MCC: variants seen among roughly 807,000 people sequenced by gnomAD.
MCC encodes the protein colorectal mutant cancer protein.
In MCC, 90 loss-of-function variants were observed where a neutral mutation model predicts 116.2. The observed-to-expected ratio is 0.77, with a 90% CI of 0.65 to 0.92. The LOEUF (loss-of-function observed/expected upper bound fraction) is 0.92. MCC is among the 40% of genes least tolerant of loss of function. MCC has a pLI of 0.00. For missense variants in MCC, 1,516 were observed against 1,312.2 expected, an observed-to-expected ratio of 1.16 and a Z score of -2.40; for synonymous variants, 578 against 510.5, an observed-to-expected ratio of 1.13 and a Z score of -1.78.
rs1186398768 is a variant in MCC at position 113,423,675 on chromosome 5, G to A, written c.171-38463C>T. On this transcript the variant is annotated intron_variant, in intron 1 of 18. Transcript: ENST00000408903. ...GCCAGGCTCAGAAATAGGAGAGCCA[G>A]TGAATGCAGGTGACGTTCATAACAG... 2.0e-5 allele frequency among the ~76,000 whole-genome samples: 3 copies of A among 152,318 alleles called. No individual in the cohort carries two copies. The South Asian group carries it at 6.2e-4, about 32-fold the overall frequency.
chr5:113,067,171 C>A (rs1026250183), intron 13 of MCC, among the ~76,000 whole-genome samples: 3 of 152,266 alleles, frequency 2.0e-5, no homozygotes, highest in Non-Finnish European at 2.9e-5. Context: ...AGTGAGCAGG[C>A]AGTGCAGATC....
Position 113,043,561 on chromosome 5 carries a change from G to C in MCC, c.2725C>G (p.Leu909Val), listed in dbSNP as rs758348298. 2 of 1,614,140 alleles carry C rather than the reference G, an allele frequency of 1.2e-6. No homozygotes were observed. The highest frequency in any genetic ancestry group is 4.5e-5 in the East Asian group (2 of 44,884). Residue 909 changes from leucine to valine, a missense_variant, in exon 17 of 19, where the codon CTG becomes GTG. Leu to Val is a conservative substitution (Grantham distance 32). Transcript: ENST00000408903. ...ELRTTCSENE[L>V]AAEFTNAIRR... The stretch of plus-strand genomic sequence containing the variant: ...ATGGCGTTGGTGAACTCCGCAGCCA[G>C]CTCATTCTCGCTGCACGTTGTCCTG...
At chr5:113,231,589 T>C (rs188103670) in intron 3 of MCC, among the ~76,000 whole-genome samples, 4 of 152,238 alleles carry the variant, frequency 2.6e-5, no homozygotes, top group Middle Eastern at 3.4e-3. Flanking sequence ...GTTAATGAGC[T>C]TTCTCATTAA....
At chr5:113,079,642 TAAAC>T (rs1222311085) in intron 11 of MCC, among the ~76,000 whole-genome samples, 2 of 152,184 alleles carry the variant, frequency 1.3e-5, no homozygotes, top group Non-Finnish European at 2.9e-5. Context: ...CCTTACACCT[TAAAC>T]AAAAATTAAT....
chr5:113,391,017 G>A (rs1769387456), intron 1 of MCC, among the ~76,000 whole-genome samples: 1 of 152,128 alleles, frequency 6.6e-6, no homozygotes, highest in South Asian at 2.1e-4. Flanking sequence ...AGGTTTCCGG[G>A]CTATAGTTGG....
At chr5:113,479,200 C>CA (rs1475368367) in intron 1 of MCC, among the ~76,000 whole-genome samples, 1 of 152,148 alleles carries the variant, frequency 6.6e-6, no homozygotes, top group Non-Finnish European at 1.5e-5. Context: ...TGACATTGCT[C>CA]AAAAAATGTC....
chr5:113,108,469 A>G (rs1160554829), intron 6 of MCC, among the ~76,000 whole-genome samples: 9 of 151,834 alleles, frequency 5.9e-5, no homozygotes, highest in Non-Finnish European at 1.3e-4. Context: ...CCTGACCAAC[A>G]TAGTGAAACC....
chr5:113,240,496 C>CG (rs1561479284), intron 3 of MCC, among the ~76,000 whole-genome samples: 2 of 152,148 alleles, frequency 1.3e-5, no homozygotes, highest in Non-Finnish European at 2.9e-5. Context: ...GGACATAAGT[C>CG]GATGGCATGA....
At chr5:113,290,252 T>A (rs1389098627) in intron 3 of MCC, among the ~76,000 whole-genome samples, 2 of 152,216 alleles carry the variant, frequency 1.3e-5, no homozygotes, top group African/African-American at 2.4e-5. Flanking sequence ...ACAAAATGAT[T>A]TGAATGAAGA....
At chr5:113,408,875 C>T (rs916229543) in intron 1 of MCC, among the ~76,000 whole-genome samples, 7 of 152,170 alleles carry the variant, frequency 4.6e-5, no homozygotes, top group African/African-American at 1.2e-4. Flanking sequence ...GATGGCCTAG[C>T]CTGTCCCTAC....
chr5:113,307,430 T>C (rs1461020841), intron 3 of MCC, among the ~76,000 whole-genome samples: 1 of 152,236 alleles, frequency 6.6e-6, no homozygotes, highest in African/African-American at 2.4e-5. Context: ...AATGTTTTTC[T>C]TAATTACATT....
chr5:113,068,000 A>G, intron 13 of MCC, 80 bp downstream of exon 13: 1 of 1,236,164 alleles, frequency 8.1e-7, no homozygotes, highest in Non-Finnish European at 1.2e-6. Flanking sequence ...GAGATGATTC[A>G]ATGCCAGTTG....
intron 1 of MCC, among the ~76,000 whole-genome samples, chr5:113,481,040 G>A (rs1490833420): frequency 2.0e-5 from 3 of 152,178 alleles, no homozygotes; most frequent in East Asian, 3.8e-4. Context: ...GCCTCCCAAA[G>A]TGCAGGGATT....
At chr5:113,487,833 C>A (rs1311125209) in intron 1 of MCC, among the ~76,000 whole-genome samples, 1 of 152,260 alleles carries the variant, frequency 6.6e-6, no homozygotes, top group African/African-American at 2.4e-5. Context: ...GGGGTGTCCA[C>A]CAAGCCGCCG....
intron 11 of MCC, among the ~76,000 whole-genome samples, chr5:113,073,081 A>ATTT (rs11415931): frequency 7.6e-5 from 11 of 145,498 alleles, no homozygotes; most frequent in African/African-American, 7.6e-5. Context: ...TATTTTTGCA[A>ATTT]TTTTTTTTTT....
At chr5:113,133,432 C>T (rs913926167) in intron 5 of MCC, among the ~76,000 whole-genome samples, 1 of 152,040 alleles carries the variant, frequency 6.6e-6, no homozygotes, top group Non-Finnish European at 1.5e-5. Flanking sequence ...AACATAGCAA[C>T]CTCCAGTTCC....
intron 3 of MCC, among the ~76,000 whole-genome samples, chr5:113,196,202 G>C (rs1004444728): frequency 6.6e-6 from 1 of 152,166 alleles, no homozygotes; most frequent in Non-Finnish European, 1.5e-5. Context: ...CATCTCCCTT[G>C]CTTGTGCCAA....
chr5:113,071,076 A>T lies in MCC; in HGVS notation c.1925+18T>A, dbSNP rs1195784485. The T allele has an allele frequency of 6.3e-7, 1 of 1,581,398 alleles. No homozygotes were observed. Among genetic ancestry groups the T allele is most frequent in the Non-Finnish European group, 8.6e-7 (1 of 1,165,626 alleles). On this transcript the variant is annotated intron_variant, in intron 12 of 18. Coordinates refer to ENST00000408903, the MANE Select transcript of MCC (RefSeq NM_001085377.2). ...CTTCTACCCTGAAGTAGCTCCAAAC[A>T]TCCCAGTGTGTGCCTACCTGTACTG...
intron 5 of MCC, among the ~76,000 whole-genome samples, chr5:113,127,786 GTAAGTTGTCTGT>G (rs1285070434): frequency 1.3e-5 from 2 of 152,210 alleles, no homozygotes; most frequent in African/African-American, 4.8e-5. Context: ...CTCCCATTGT[GTAAGTTGTCTGT>G]TTACTCTGTT....
Sources: allele counts gnomAD v4.1 joint callset (sites outside exome capture counted in the v4.1 genomes callset), GRCh38; gene constraint gnomAD v4.1.1; transcripts MANE v1.5; gene names NCBI Gene and HGNC (gene_info 2026-07-23, HGNC 2026-07-21).